The following GALNT13 variants were observed in gnomAD, a reference collection of about 807,000 sequenced individuals.
The protein encoded by GALNT13 is UDP-GalNAc:polypeptide N-acetylgalactosaminyltransferase 13.
Under a neutral mutation model 64.2 loss-of-function variants are expected in GALNT13, and 28 were observed. That is an observed-to-expected ratio of 0.44 (90% CI 0.32 to 0.60). GALNT13 has a LOEUF of 0.60. Ranked by LOEUF, GALNT13 falls within the 20% of genes least tolerant of loss-of-function variation. GALNT13 has a pLI of 0.05. For missense variants in GALNT13, 577 were observed against 669.8 expected (o/e 0.86, Z 1.53); for synonymous variants, 214 against 224.6 (o/e 0.95, Z 0.42).
chr2:154,071,376 T>G (rs1168266265), intron 3 of GALNT13, among the ~76,000 whole-genome samples: 1 of 152,168 alleles, frequency 6.6e-6, no homozygotes, highest in East Asian at 1.9e-4. Context: ...ACAACTACTT[T>G]AATATCCTTA....
intron 8 of GALNT13, among the ~76,000 whole-genome samples, chr2:154,291,084 G>A (rs911603030): frequency 4.6e-5 from 7 of 152,068 alleles, no homozygotes; most frequent in South Asian, 2.1e-4. Context: ...CTTCCACAGC[G>A]TGGAAAGGGA....
intron 2 of GALNT13, among the ~76,000 whole-genome samples, chr2:153,921,059 A>G (rs1295929945): frequency 1.3e-5 from 2 of 152,216 alleles, no homozygotes; most frequent in Non-Finnish European, 2.9e-5. Flanking sequence ...TGTGGAAAAC[A>G]GTGTAATGAT....
the GALNT13 span, among the ~76,000 whole-genome samples, chr2:153,749,435 A>G: frequency 6.6e-6 from 1 of 151,964 alleles, no homozygotes; most frequent in Non-Finnish European, 1.5e-5. Flanking sequence ...CGTAGTATGG[A>G]CATTTTAACA....
chr2:153,765,484 CA>C, the GALNT13 span, among the ~76,000 whole-genome samples: 1 of 152,154 alleles, frequency 6.6e-6, no homozygotes, highest in Non-Finnish European at 1.5e-5. Context: ...TGTAATTACC[CA>C]ATGCCTGTAC....
chr2:153,435,359 T>A, the GALNT13 span, among the ~76,000 whole-genome samples: 1 of 152,206 alleles, frequency 6.6e-6, no homozygotes, highest in African/African-American at 2.4e-5. Context: ...TTTCCAATTC[T>A]GTGAAGAAAG....
chr2:154,296,945 G>C (rs1692960295), intron 8 of GALNT13, among the ~76,000 whole-genome samples: 1 of 152,116 alleles, frequency 6.6e-6, no homozygotes, highest in Non-Finnish European at 1.5e-5. Flanking sequence ...ATGGCAAAGA[G>C]GTAGCCAAGG....
the GALNT13 span, among the ~76,000 whole-genome samples, chr2:153,381,948 C>T: frequency 6.6e-6 from 1 of 152,132 alleles, no homozygotes; most frequent in Non-Finnish European, 1.5e-5. Context: ...CATTTCATTC[C>T]AGTGAGATTG....
the GALNT13 span, among the ~76,000 whole-genome samples, chr2:153,395,868 G>T: frequency 3.9e-5 from 6 of 152,044 alleles, no homozygotes; most frequent in Non-Finnish European, 7.4e-5. Context: ...AGTATTACTG[G>T]GTTAAGGGAG....
the GALNT13 span, among the ~76,000 whole-genome samples, chr2:153,403,202 A>C: frequency 2.8e-5 from 4 of 145,272 alleles, no homozygotes; most frequent in Admixed American, 6.7e-5. Flanking sequence ...AGGTGTCGGT[A>C]TGCCCCTGCT....
the GALNT13 span, among the ~76,000 whole-genome samples, chr2:153,684,648 A>AT: frequency 1.3e-4 from 20 of 151,084 alleles, no homozygotes; most frequent in South Asian, 3.8e-3. Context: ...TGTTTTTTAA[A>AT]TTTTTTTTAA....
the GALNT13 span, among the ~76,000 whole-genome samples, chr2:153,667,081 A>T: frequency 6.6e-6 from 1 of 152,188 alleles, no homozygotes; most frequent in African/African-American, 2.4e-5. Context: ...GTCAGAAAAA[A>T]ATAAAGAAAA....
the GALNT13 span, among the ~76,000 whole-genome samples, chr2:153,190,625 C>T: frequency 6.6e-6 from 1 of 151,872 alleles, no homozygotes; most frequent in Admixed American, 6.6e-5. Flanking sequence ...AATGTGATTG[C>T]TATTTTGATA....
the GALNT13 span, among the ~76,000 whole-genome samples, chr2:153,566,348 G>GTTTTTTTT: frequency 0.018 from 1,360 of 74,532 alleles, 103 homozygotes; most frequent in South Asian, 0.03. Flanking sequence ...TTCTAATCAC[G>GTTTTTTTT]TTTTTTTTTT....
At chr2:154,007,661 G>A (rs1015046737) in intron 3 of GALNT13, among the ~76,000 whole-genome samples, 1 of 151,886 alleles carries the variant, frequency 6.6e-6, no homozygotes, top group African/African-American at 2.4e-5. Flanking sequence ...ACATACCTAT[G>A]TTAGAGTATA....
the GALNT13 span, among the ~76,000 whole-genome samples, chr2:153,241,705 T>A: frequency 1.3e-5 from 2 of 152,016 alleles, no homozygotes; most frequent in East Asian, 3.9e-4. Flanking sequence ...TATTTGTCTC[T>A]TCTGCAAGTA....
the GALNT13 span, among the ~76,000 whole-genome samples, chr2:153,556,509 A>T: frequency 6.6e-6 from 1 of 152,210 alleles, no homozygotes; most frequent in African/African-American, 2.4e-5. Context: ...AATTCTTAGC[A>T]CATCAGCTAT....
chr2:153,072,116 A>C, the GALNT13 span, among the ~76,000 whole-genome samples: 2 of 152,212 alleles, frequency 1.3e-5, no homozygotes, highest in African/African-American at 4.8e-5. Flanking sequence ...AATAACTAGC[A>C]TCTGCTGCTC....
chr2:154,323,681 C>T (rs1349429133), intron 9 of GALNT13, among the ~76,000 whole-genome samples: 1 of 152,086 alleles, frequency 6.6e-6, no homozygotes, highest in Non-Finnish European at 1.5e-5. Flanking sequence ...GAATCCACTG[C>T]ATTTTAACTA....
chr2:153,394,568 A>C, the GALNT13 span, among the ~76,000 whole-genome samples: 1 of 152,086 alleles, frequency 6.6e-6, no homozygotes, highest in Non-Finnish European at 1.5e-5. Context: ...CAGTTATAAA[A>C]CTTAGCATGA....
Sources: allele counts gnomAD v4.1 joint callset (sites outside exome capture counted in the v4.1 genomes callset), GRCh38; gene constraint gnomAD v4.1.1; transcripts MANE v1.5; gene names NCBI Gene and HGNC (gene_info 2026-07-23, HGNC 2026-07-21).